LAMC1: variants seen among roughly 807,000 people sequenced by gnomAD.
The protein encoded by LAMC1 is laminin subunit gamma-1.
A neutral mutation model predicts 173.6 loss-of-function variants in LAMC1; 38 were observed. The observed-to-expected ratio is 0.22, with a 90% CI of 0.17 to 0.29. LAMC1 has a LOEUF of 0.29. LAMC1 is among the 10% of genes least tolerant of loss of function. The pLI, the probability that LAMC1 is intolerant of heterozygous loss-of-function variation, is 1.00. For synonymous variants in LAMC1, 746 were observed against 749.1 expected, an observed-to-expected ratio of 1.00 and a Z score of 0.07; for missense variants, 1,824 against 2,051.8, an observed-to-expected ratio of 0.89 and a Z score of 2.14.
chr1:183,072,619 C>A (rs1252620696), intron 1 of LAMC1, among the ~76,000 whole-genome samples: 1 of 152,212 alleles, frequency 6.6e-6, no homozygotes, highest in African/African-American at 2.4e-5. Flanking sequence ...GGGTCCCCAA[C>A]CCCTGGGCCA....
Position 183,143,060 on chromosome 1 carries a change from G to A in LAMC1, c.*270G>A, listed in dbSNP as rs773937500. 3.9e-5 allele frequency: 15 copies of A among 387,018 alleles called. No individual in the cohort carries two copies. Among genetic ancestry groups the A allele is most frequent in the Non-Finnish European group, 7.2e-5 (15 of 209,424 alleles). 24.0% of individuals were successfully genotyped at this position (387,018 alleles called of 1,614,324 possible). A position where few individuals can be genotyped will look rare whatever the true frequency, so the allele number is the denominator to read the frequency against. Reference sequence around the variant, plus strand: ...TCCCTTCTGATTTGCGTGAGGACGTGGCATCCTACGTTACTGTACAGTGGC... The same window carrying A: ...TCCCTTCTGATTTGCGTGAGGACGTAGCATCCTACGTTACTGTACAGTGGC... On this transcript the variant is annotated 3_prime_UTR_variant, in exon 28 of 28. Transcript: ENST00000258341.
rs1198714361 is a variant in LAMC1 at position 183,103,648 on chromosome 1, T to A, written c.723+16T>A. 1.3e-6 allele frequency: 2 copies of A among 1,526,420 alleles called. No homozygotes were observed. Among genetic ancestry groups the A allele is most frequent in the Non-Finnish European group, 1.8e-6 (2 of 1,138,540 alleles). 94.6% of individuals were successfully genotyped at this position (1,526,420 alleles called of 1,614,324 possible). A position where few individuals can be genotyped will look rare whatever the true frequency, so the allele number is the denominator to read the frequency against. ...TGTGCTGCAGGTAAATTCTCACAGG[T>A]TGGCCTGAAGCCAGCTAGTTCTACA... On this transcript the variant is annotated intron_variant, in intron 2 of 27. Coordinates refer to ENST00000258341, the MANE Select transcript of LAMC1 (RefSeq NM_002293.4).
At chr1:183,053,419 G>GT (rs1553253646) in intron 1 of LAMC1, among the ~76,000 whole-genome samples, 24,241 of 146,824 alleles carry the variant, frequency 0.17, 2,125 homozygotes, top group South Asian at 0.27. Context: ...TTTTGTGTGT[G>GT]TTTTTTTTTT....
intron 1 of LAMC1, among the ~76,000 whole-genome samples, chr1:183,069,492 G>A (rs763694372): frequency 1.3e-5 from 2 of 152,226 alleles, no homozygotes; most frequent in African/African-American, 2.4e-5. Context: ...CTAGTTGGAG[G>A]TGTATATTAT....
At chr1:183,042,739 A>T (rs1387751216) in intron 1 of LAMC1, among the ~76,000 whole-genome samples, 1 of 152,174 alleles carries the variant, frequency 6.6e-6, no homozygotes, top group African/African-American at 2.4e-5. Flanking sequence ...CTCTTAGTGC[A>T]CAGCCTTCAC....
At chr1:183,059,979 T>G (rs551749295) in intron 1 of LAMC1, among the ~76,000 whole-genome samples, 41 of 152,256 alleles carry the variant, frequency 2.7e-4, no homozygotes, top group African/African-American at 9.6e-4. Flanking sequence ...TGATGGCAGC[T>G]GTTATTGTTC....
At chr1:183,119,896 C>T (rs887992270) in intron 11 of LAMC1, among the ~76,000 whole-genome samples, 9 of 151,916 alleles carry the variant, frequency 5.9e-5, no homozygotes, top group African/African-American at 9.7e-5. Context: ...ACTGTCCAGG[C>T]GTGGTAACTC....
At chr1:183,037,708 C>G (rs1654018945) in intron 1 of LAMC1, among the ~76,000 whole-genome samples, 1 of 152,074 alleles carries the variant, frequency 6.6e-6, no homozygotes, top group South Asian at 2.1e-4. Context: ...TGTTGCCGAG[C>G]TAAGGTTCAA....
At chr1:183,067,402 G>A (rs1294274732) in intron 1 of LAMC1, among the ~76,000 whole-genome samples, 5 of 152,094 alleles carry the variant, frequency 3.3e-5, no homozygotes, top group African/African-American at 1.2e-4. Context: ...TGTATTTTTT[G>A]CATTTCTTTG....
intron 1 of LAMC1, among the ~76,000 whole-genome samples, chr1:183,044,928 TAAAAA>T: frequency 7.0e-6 from 1 of 142,748 alleles, no homozygotes; most frequent in Non-Finnish European, 1.5e-5. Flanking sequence ...TCTCAATGCT[TAAAAA>T]AAAAAAAAGA....
intron 1 of LAMC1, among the ~76,000 whole-genome samples, chr1:183,043,617 T>C (rs2102016972): frequency 6.6e-6 from 1 of 152,278 alleles, no homozygotes; most frequent in East Asian, 1.9e-4. Context: ...ATGGTAACAA[T>C]ATTTAGAACT....
chr1:183,131,300 C>T lies in LAMC1; in HGVS notation c.3488C>T (p.Ser1163Leu), dbSNP rs1656778694. 1.9e-6 allele frequency: 3 copies of T among 1,611,394 alleles called. No individual in the cohort carries two copies. In the East Asian group the frequency reaches 6.7e-5, roughly 36 times the overall value. ...ATAAGTGCTTTATTTCCTGTGCAGT[C>T]AGTCACTCAGCCAGAATCTACAGGG... ...EKAKVAAANVSVTQPESTGDP... is the reference protein window; with the variant it reads ...EKAKVAAANVLVTQPESTGDP... The change falls in exon 20 of 28, where the codon TCA becomes TTA. Residue 1163 changes from serine to leucine, a missense_variant and splice_region_variant. Ser to Leu is a moderately radical substitution (Grantham distance 145). Coordinates refer to ENST00000258341, the MANE Select transcript of LAMC1 (RefSeq NM_002293.4).
Position 183,103,113 on chromosome 1 carries a change from C to T in LAMC1, c.419-215C>T, listed in dbSNP as rs543070257. Among the ~76,000 whole-genome samples the T allele has an allele frequency of 6.6e-5, 10 of 152,292 alleles. No individual in the cohort carries two copies. In the South Asian group the frequency reaches 1.9e-3, roughly 28 times the overall value. Reference sequence around the variant, plus strand: ...CACAACATTTCCACAATGCACATCACGACAGGCCTTTATGAGCCAACTTAT... The same window carrying T: ...CACAACATTTCCACAATGCACATCATGACAGGCCTTTATGAGCCAACTTAT... On this transcript the variant is annotated intron_variant, in intron 1 of 27. Coordinates refer to ENST00000258341, the MANE Select transcript of LAMC1 (RefSeq NM_002293.4).
rs768300892 is a variant in LAMC1 at position 183,130,466 on chromosome 1, C to T, written c.3403C>T (p.Arg1135Cys). ...EETGNLAEQARAHVENTERLI... is the reference protein window; with the variant it reads ...EETGNLAEQACAHVENTERLI... Reference sequence around the variant, plus strand: ...GACTGGAAACTTGGCTGAACAAGCGCGTGCCCATGTAGAGAACACAGAGCG... The same window carrying T: ...GACTGGAAACTTGGCTGAACAAGCGTGTGCCCATGTAGAGAACACAGAGCG... Residue 1135 changes from arginine (R) to cysteine (C), a missense_variant, in exon 19 of 28, where the codon CGT becomes TGT. By Grantham distance (180) the Arg-to-Cys change is radical. Transcript: ENST00000258341. 22 of 1,614,044 alleles carry T rather than the reference C, an allele frequency of 1.4e-5. No homozygotes were observed. The highest frequency in any genetic ancestry group is 3.3e-5 in the South Asian group (3 of 91,084).
At chr1:183,097,354 C>A (rs185042385) in intron 1 of LAMC1, among the ~76,000 whole-genome samples, 7 of 152,142 alleles carry the variant, frequency 4.6e-5, no homozygotes, top group African/African-American at 1.2e-4. Context: ...CCTTTTCTGA[C>A]TTCCAAAGAG....
At chr1:183,024,157 C>T in intron 1 of LAMC1, 23 bp downstream of exon 1, 1 of 1,522,500 alleles carries the variant, frequency 6.6e-7, no homozygotes, top group South Asian at 1.3e-5. Flanking sequence ...AGCCCCGTCC[C>T]CTGCTACTGC....
chr1:183,075,103 C>T (rs1277423986), intron 1 of LAMC1, among the ~76,000 whole-genome samples: 1 of 150,410 alleles, frequency 6.6e-6, no homozygotes, highest in Non-Finnish European at 1.5e-5. Flanking sequence ...AAAGGGTTAC[C>T]TCAGAGTTCT....
Position 183,136,498 on chromosome 1 carries a change from G to A in LAMC1, c.4227G>A (p.Gln1409=), listed in dbSNP as rs762074396. ...TEANEKTREA[Q]QALGSAAADA... The stretch of plus-strand genomic sequence containing the variant: ...CCAATGAAAAGACCAGAGAAGCCCA[G>A]CAGGCCCTGGGCAGTGCTGCGGCGG... The change falls in exon 25 of 28, where the codon CAG becomes CAA. Residue 1409 remains glutamine (Q), a synonymous_variant. Transcript: ENST00000258341. 4 of 1,614,082 alleles carry A rather than the reference G, an allele frequency of 2.5e-6. No individual in the cohort carries two copies. Among genetic ancestry groups the A allele is most frequent in the Non-Finnish European group, 8.5e-7 (1 of 1,180,042 alleles).
chr1:183,065,258 A>G (rs947928451), intron 1 of LAMC1, among the ~76,000 whole-genome samples: 1 of 152,166 alleles, frequency 6.6e-6, no homozygotes, highest in Non-Finnish European at 1.5e-5. Context: ...TATGCAGTGC[A>G]TGACTGTATG....
Sources: allele counts gnomAD v4.1 joint callset (sites outside exome capture counted in the v4.1 genomes callset), GRCh38; gene constraint gnomAD v4.1.1; transcripts MANE v1.5; gene names NCBI Gene and HGNC (gene_info 2026-07-23, HGNC 2026-07-21).